The following ZNF280B variants were observed in gnomAD, a reference collection of about 807,000 sequenced individuals.
ZNF280B encodes zinc finger protein 280B.
A neutral mutation model predicts 38.0 loss-of-function variants in ZNF280B; 16 were observed. That is an observed-to-expected ratio of 0.42 (90% CI 0.28 to 0.64). The LOEUF (loss-of-function observed/expected upper bound fraction) is 0.64, where lower values mean the gene tolerates loss of function less well. Among genes scored for constraint, ZNF280B ranks in the 30% least tolerant of loss-of-function variants. The probability of loss-of-function intolerance (pLI) is 0.21; values close to 1 mark genes in which losing one functional copy is unlikely to be tolerated. For synonymous variants in ZNF280B, 253 were observed against 230.6 expected, an observed-to-expected ratio of 1.10 and a Z score of -0.88; for missense variants, 581 against 639.6, an observed-to-expected ratio of 0.91 and a Z score of 0.99.
At chr22:22,504,561 G>GT (rs1294625113) in intron 2 of ZNF280B, among the ~76,000 whole-genome samples, 1 of 151,956 alleles carries the variant, frequency 6.6e-6, no homozygotes, top group African/African-American at 2.4e-5. Flanking sequence ...AACTGAGCTG[G>GT]TGGGAGGGAT....
intron 2 of ZNF280B, among the ~76,000 whole-genome samples, chr22:22,495,920 C>T (rs2146799820): frequency 6.6e-6 from 1 of 151,532 alleles, no homozygotes; most frequent in Admixed American, 6.6e-5. Context: ...ATTCTCTTGC[C>T]TCAGCCTACC....
intron 2 of ZNF280B, among the ~76,000 whole-genome samples, chr22:22,500,482 C>A (rs958914634): frequency 1.3e-5 from 2 of 151,668 alleles, no homozygotes; most frequent in African/African-American, 2.4e-5. Context: ...ATAAAATAAA[C>A]CAGTCACAAA....
chr22:22,506,382 T>C (rs1388651565), intron 2 of ZNF280B, among the ~76,000 whole-genome samples: 1 of 151,086 alleles, frequency 6.6e-6, no homozygotes, highest in Non-Finnish European at 1.5e-5. Flanking sequence ...CATCCCAGAA[T>C]CCAATGGGGA....
At chr22:22,493,160 C>G (rs76626137) in intron 3 of ZNF280B, among the ~76,000 whole-genome samples, 4,649 of 151,736 alleles carry the variant, frequency 0.031, 144 homozygotes, top group African/African-American at 0.074. Flanking sequence ...ACAGGTGCGC[C>G]ACCACGCCCA....
intron 2 of ZNF280B, among the ~76,000 whole-genome samples, chr22:22,497,408 G>A (rs1352815012): frequency 6.6e-6 from 1 of 151,348 alleles, no homozygotes; most frequent in Non-Finnish European, 1.5e-5. Flanking sequence ...GTGGGCGCCT[G>A]TAATCCCAGC....
chr22:22,508,301 T>C (rs1012274558), intron 1 of ZNF280B, among the ~76,000 whole-genome samples: 2 of 151,810 alleles, frequency 1.3e-5, no homozygotes, highest in Admixed American at 6.6e-5. Context: ...TTTAAATACA[T>C]TGAGCGCCAA....
intron 2 of ZNF280B, among the ~76,000 whole-genome samples, chr22:22,504,912 G>A (rs1009837938): frequency 6.6e-6 from 1 of 151,996 alleles, no homozygotes; most frequent in African/African-American, 2.4e-5. Flanking sequence ...TATTGGTCTG[G>A]TGATATAGCA....
chr22:22,507,552 C>CTTT (rs200701794), intron 2 of ZNF280B, among the ~76,000 whole-genome samples: 1 of 147,606 alleles, frequency 6.8e-6, no homozygotes. Flanking sequence ...ATCCCTGATG[C>CTTT]TCTTTTTTTT....
chr22:22,489,890 C>G (rs1277391381), intron 3 of ZNF280B, among the ~76,000 whole-genome samples: 1 of 151,818 alleles, frequency 6.6e-6, no homozygotes, highest in African/African-American at 2.4e-5. Flanking sequence ...GGCAAAAATT[C>G]TTATTTCTTA....
intron 2 of ZNF280B, among the ~76,000 whole-genome samples, chr22:22,504,653 A>G (rs1216721238): frequency 6.6e-6 from 1 of 151,974 alleles, no homozygotes; most frequent in East Asian, 2.0e-4. Flanking sequence ...TACACATTTG[A>G]TGTTCTGATG....
chr22:22,502,996 C>A (rs1180962306), intron 2 of ZNF280B, among the ~76,000 whole-genome samples: 1 of 151,934 alleles, frequency 6.6e-6, no homozygotes, highest in African/African-American at 2.4e-5. Flanking sequence ...AAGACAGAAG[C>A]AAAGATTAGA....
At chr22:22,494,737 T>C (rs762897377) in intron 2 of ZNF280B, among the ~76,000 whole-genome samples, 2 of 151,804 alleles carry the variant, frequency 1.3e-5, no homozygotes, top group South Asian at 2.1e-4. Flanking sequence ...TACTAGATCA[T>C]TGTTTTTTGT....
intron 3 of ZNF280B, 60 bp from the exon 4 acceptor site, chr22:22,489,526 C>T: frequency 2.5e-6 from 2 of 809,828 alleles, no homozygotes; most frequent in African/African-American, 1.7e-5. Context: ...TAATTTTCCT[C>T]CAAAACATTG....
At chr22:22,502,577 T>C (rs1487948222) in intron 2 of ZNF280B, among the ~76,000 whole-genome samples, 1 of 151,922 alleles carries the variant, frequency 6.6e-6, no homozygotes, top group Non-Finnish European at 1.5e-5. Flanking sequence ...ATCCGTACAA[T>C]GAAATACTAT....
intron 3 of ZNF280B, among the ~76,000 whole-genome samples, chr22:22,493,093 C>T (rs2061629089): frequency 6.6e-6 from 1 of 151,692 alleles, no homozygotes; most frequent in South Asian, 2.1e-4. Flanking sequence ...TCACTGCAAC[C>T]TCTGCTTCCC....
chr22:22,499,068 G>A (rs993776503), intron 2 of ZNF280B, among the ~76,000 whole-genome samples: 16 of 151,448 alleles, frequency 1.1e-4, no homozygotes, highest in Admixed American at 2.0e-4. Context: ...CAAAGTGCTG[G>A]GATTACAGGC....
chr22:22,488,835 A>G lies in ZNF280B; in HGVS notation c.564T>C (p.Ala188=). The change falls in exon 4 of 4, where the codon GCT becomes GCC. Residue 188 remains alanine, a synonymous_variant. Transcript: ENST00000626650. ...CTTCTATAATTCCATCCCTGAGTTTAGCCCTTTTGGGATTTATGCTGTTTA... is the reference window on the plus strand; with the variant it reads ...CTTCTATAATTCCATCCCTGAGTTTGGCCCTTTTGGGATTTATGCTGTTTA... ...FEVNSINPKR[A]KLRDGIIEGN... 6.2e-7 allele frequency: 1 copy of G among 1,613,834 alleles called. No individual in the cohort carries two copies. The highest frequency in any genetic ancestry group is 1.7e-4 in the Middle Eastern group (1 of 6,052).
chr22:22,508,289 T>C (rs1470864215), intron 1 of ZNF280B, among the ~76,000 whole-genome samples: 1 of 151,860 alleles, frequency 6.6e-6, no homozygotes, highest in East Asian at 2.0e-4. Context: ...AGTTTTCAGA[T>C]TTTTAAATAC....
At position 22,488,090 on chromosome 22, in the gene ZNF280B, A is replaced by G; in HGVS notation, c.1309T>C (p.Cys437Arg). The change falls in exon 4 of 4, where the codon TGT becomes CGT. Residue 437 changes from cysteine to arginine, a missense_variant. By Grantham distance (180) the Cys-to-Arg change is radical. Transcript: ENST00000626650. ...GTTGCTGTTTTGAAAATTTTGAGAC[A>G]AAAGGGACAAAGCAAATTCTTTGTG... ...ENTKNLLCPF[C>R]LKIFKTATPY... is the part of the protein sequence containing the mutation. 1 of 1,613,902 alleles carries G rather than the reference A, an allele frequency of 6.2e-7. No homozygotes were observed. Among genetic ancestry groups the G allele is most frequent in the East Asian group, 2.2e-5 (1 of 44,812 alleles).
Sources: gnomAD v4.1 joint callset for allele counts (sites outside exome capture counted in the v4.1 genomes callset) on GRCh38, gnomAD v4.1.1 for gene constraint, MANE v1.5 for transcripts, NCBI Gene and HGNC (gene_info 2026-07-23, HGNC 2026-07-21) for gene names.